Variants in PPARGC1A observed in about 807,000 individuals in gnomAD.
PPARGC1A encodes PPARG coactivator 1 alpha.
A neutral mutation model predicts 88.7 loss-of-function variants in PPARGC1A; 25 were observed. That is an observed-to-expected ratio of 0.28 (90% CI 0.21 to 0.39). PPARGC1A has a LOEUF of 0.39. Ranked by LOEUF, PPARGC1A falls within the 10% of genes least tolerant of loss-of-function variation. PPARGC1A has a pLI of 1.00. For synonymous variants in PPARGC1A, 363 were observed against 355.6 expected (o/e 1.02, Z -0.24); for missense variants, 880 against 968.7 (o/e 0.91, Z 1.22).
At chr4:24,363,842 T>C in the PPARGC1A span, among the ~76,000 whole-genome samples, 1 of 152,156 alleles carries the variant, frequency 6.6e-6, no homozygotes, top group Non-Finnish European at 1.5e-5. Flanking sequence ...AGAATTAATG[T>C]CGAGGCATAT....
the PPARGC1A span, among the ~76,000 whole-genome samples, chr4:24,079,542 T>C: frequency 1.3e-5 from 2 of 152,062 alleles, no homozygotes; most frequent in Non-Finnish European, 2.9e-5. Flanking sequence ...AAACATTTTT[T>C]CCAATTTTTT....
At chr4:23,996,635 C>T in the PPARGC1A span, among the ~76,000 whole-genome samples, 1 of 151,746 alleles carries the variant, frequency 6.6e-6, no homozygotes, top group African/African-American at 2.4e-5. Flanking sequence ...TCTGTTTCTA[C>T]AAAAAAAGAA....
At chr4:24,040,901 G>A in the PPARGC1A span, among the ~76,000 whole-genome samples, 1 of 151,962 alleles carries the variant, frequency 6.6e-6, no homozygotes, top group Non-Finnish European at 1.5e-5. Flanking sequence ...CATGTTCACC[G>A]GGCTCAATTA....
At chr4:23,822,374 A>T (rs979675759) in intron 7 of PPARGC1A, among the ~76,000 whole-genome samples, 11 of 152,134 alleles carry the variant, frequency 7.2e-5, no homozygotes, top group Non-Finnish European at 1.5e-4. Context: ...TAGCCTATGG[A>T]GAGCTTAATT....
chr4:23,945,341 T>C, the PPARGC1A span, among the ~76,000 whole-genome samples: 2 of 152,236 alleles, frequency 1.3e-5, no homozygotes, highest in Admixed American at 6.5e-5. Context: ...TAAACATGCA[T>C]GCATATACAC....
chr4:24,305,492 T>C, the PPARGC1A span, among the ~76,000 whole-genome samples: 18 of 152,322 alleles, frequency 1.2e-4, no homozygotes, highest in African/African-American at 4.3e-4. Context: ...ATTACATGAC[T>C]GGCATGAGAT....
the PPARGC1A span, among the ~76,000 whole-genome samples, chr4:24,077,027 A>G: frequency 6.6e-6 from 1 of 152,098 alleles, no homozygotes; most frequent in African/African-American, 2.4e-5. Context: ...ATGCCAAAAA[A>G]AAGTTCTTTG....
chr4:24,193,467 G>T, the PPARGC1A span, among the ~76,000 whole-genome samples: 3 of 152,146 alleles, frequency 2.0e-5, no homozygotes, highest in Non-Finnish European at 4.4e-5. Context: ...GGAGTGTCCC[G>T]CAGTGAGACC....
At chr4:24,387,768 GAAAGAA>G in the PPARGC1A span, among the ~76,000 whole-genome samples, 1,972 of 63,288 alleles carry the variant, frequency 0.031, 105 homozygotes, top group East Asian at 0.1. Flanking sequence ...GAGAGAGAGA[GAAAGAA>G]AGAAAGAAAG....
chr4:23,933,736 C>G, the PPARGC1A span, among the ~76,000 whole-genome samples: 2 of 152,210 alleles, frequency 1.3e-5, no homozygotes, highest in Non-Finnish European at 2.9e-5. Flanking sequence ...AATCATAATG[C>G]CTTCTTTTAT....
chr4:24,178,892 T>A, the PPARGC1A span, among the ~76,000 whole-genome samples: 1 of 152,350 alleles, frequency 6.6e-6, no homozygotes, highest in East Asian at 1.9e-4. Flanking sequence ...GGTAAACTCA[T>A]ATATCACTAC....
At chr4:24,121,355 A>C in the PPARGC1A span, among the ~76,000 whole-genome samples, 2 of 152,074 alleles carry the variant, frequency 1.3e-5, no homozygotes, top group African/African-American at 2.4e-5. Context: ...GAACATGATC[A>C]CAGGTCTCAG....
At chr4:24,155,656 A>G in the PPARGC1A span, among the ~76,000 whole-genome samples, 13 of 152,116 alleles carry the variant, frequency 8.5e-5, no homozygotes, top group Non-Finnish European at 1.8e-4. Flanking sequence ...CTGTGCCCTC[A>G]TGAAGCTTGT....
the PPARGC1A span, among the ~76,000 whole-genome samples, chr4:24,084,481 G>A: frequency 6.6e-6 from 1 of 152,214 alleles, no homozygotes; most frequent in Admixed American, 6.5e-5. Flanking sequence ...GAGCAGAACT[G>A]TGCCTAAGCT....
the PPARGC1A span, among the ~76,000 whole-genome samples, chr4:24,346,511 G>T: frequency 6.6e-6 from 1 of 152,118 alleles, no homozygotes; most frequent in South Asian, 2.1e-4. Context: ...AGCTAGGAAA[G>T]TTGTATTTTT....
upstream of PPARGC1A, among the ~76,000 whole-genome samples, chr4:23,906,258 CA>C (rs564397381): frequency 2.8e-3 from 422 of 152,172 alleles, 1 homozygote; most frequent in Non-Finnish European, 3.5e-3. Context: ...TTGAAGATAG[CA>C]ATTCCAAACA....
the PPARGC1A span, among the ~76,000 whole-genome samples, chr4:24,102,215 A>G: frequency 6.0e-4 from 92 of 152,352 alleles, 1 homozygote; most frequent in African/African-American, 2.2e-3. Context: ...TTAAAATACA[A>G]TAGTTTCTAA....
chr4:23,909,121 A>G, the PPARGC1A span, among the ~76,000 whole-genome samples: 33 of 152,262 alleles, frequency 2.2e-4, no homozygotes, highest in African/African-American at 7.7e-4. Flanking sequence ...AGATCTAATT[A>G]ATCTCCGAAA....
At chr4:24,045,259 A>C in the PPARGC1A span, among the ~76,000 whole-genome samples, 1 of 152,188 alleles carries the variant, frequency 6.6e-6, no homozygotes, top group East Asian at 1.9e-4. Flanking sequence ...TAATATTGTA[A>C]TATAAATATA....
Sources: allele counts gnomAD v4.1 joint callset (sites outside exome capture counted in the v4.1 genomes callset), GRCh38; gene constraint gnomAD v4.1.1; transcripts MANE v1.5; gene names NCBI Gene and HGNC (gene_info 2026-07-23, HGNC 2026-07-21).